PIK3R5: variants seen among roughly 807,000 people sequenced by gnomAD.
The protein encoded by PIK3R5 is phosphoinositide-3-kinase regulatory subunit 5, also known as phosphoinositide 3-kinase regulatory subunit 5.
A neutral mutation model predicts 94.9 loss-of-function variants in PIK3R5; 32 were observed. The observed-to-expected ratio is 0.34, with a 90% CI of 0.25 to 0.45. The LOEUF (loss-of-function observed/expected upper bound fraction) is 0.45, where lower values mean the gene tolerates loss of function less well. PIK3R5 is among the 20% of genes least tolerant of loss of function. PIK3R5 has a pLI of 1.00. For synonymous variants in PIK3R5, 443 were observed against 479.4 expected, an observed-to-expected ratio of 0.92 and a Z score of 0.99; for missense variants, 853 against 1,144.6, an observed-to-expected ratio of 0.75 and a Z score of 3.68.
In PIK3R5 at chr17:8,890,548, C is replaced by T. The variant is rs1324373577; in HGVS notation, c.657+190G>A. Among the ~76,000 whole-genome samples the T allele has an allele frequency of 6.6e-6, 1 of 152,230 alleles. No individual in the cohort carries two copies. Among genetic ancestry groups the T allele is most frequent in the African/African-American group, 2.4e-5 (1 of 41,450 alleles). On this transcript the variant is annotated intron_variant, in intron 7 of 18. Coordinates refer to ENST00000447110, the MANE Select transcript of PIK3R5 (RefSeq NM_001142633.3). The surrounding 1 kb of genome is among the most constrained non-coding windows in gnomAD (Gnocchi z 6.1). ...CCCAGTCCTACTGCCCAGGCTGCCA[C>T]CCAGCTGGTTAGGATCCAGCACACC...
Position 8,904,938 on chromosome 17 carries a change from G to A in PIK3R5, c.274-23C>T. 1 of 1,609,202 alleles carries A rather than the reference G, an allele frequency of 6.2e-7. No individual in the cohort carries two copies. The highest frequency in any genetic ancestry group is 8.5e-7 in the Non-Finnish European group (1 of 1,179,734). On this transcript the variant is annotated intron_variant, in intron 4 of 18. Transcript: ENST00000447110. The surrounding 1 kb of genome is among the most constrained non-coding windows in gnomAD (Gnocchi z 5.1). The stretch of plus-strand genomic sequence containing the variant: ...TGTCTAGGATGGAGGCAGGCAACAA[G>A]CAAAGAGATCTAGGTGAGAAAAGGC...
intron 1 of PIK3R5, among the ~76,000 whole-genome samples, chr17:8,960,903 C>G (rs1269812523): frequency 6.8e-6 from 1 of 147,022 alleles, no homozygotes; most frequent in Admixed American, 6.9e-5. Context: ...TGTGCATGGA[C>G]GCCTTGCTTG....
chr17:8,880,844 C>T, intron 18 of PIK3R5, 58 bp from the exon 19 acceptor site: 1 of 1,613,282 alleles, frequency 6.2e-7, no homozygotes, highest in Non-Finnish European at 8.5e-7. Context: ...CCAGCTCCTT[C>T]CAGGCCTCTG....
rs774920238 is a variant in PIK3R5 at position 8,881,840 on chromosome 17, C to T, written c.2247G>A (p.Lys749=). ...SGRSRWSNLE[K]VCTSVNLNKA... is the part of the protein sequence containing the mutation. ...TGTTGAGGTTCACGGAGGTACAGAC[C>T]TTCTCCAGGTTGCTCCAGCGACTTC... Residue 749 remains lysine, a synonymous_variant, in exon 16 of 19, where the codon AAG becomes AAA. Transcript: ENST00000447110. This position sits in a 1 kb window ranked among gnomAD's most constrained non-coding sequence, Gnocchi z 4.8. The T allele has an allele frequency of 3.7e-6, 6 of 1,614,072 alleles. No homozygotes were observed. The Admixed American group carries it at 1.0e-4, about 27-fold the overall frequency.
rs1195828813 is a variant in PIK3R5 at position 8,935,384 on chromosome 17, C to A, written c.-13-23877G>T. On this transcript the variant is annotated intron_variant, in intron 1 of 18. Transcript: ENST00000447110. The surrounding 1 kb of genome is among the most constrained non-coding windows in gnomAD (Gnocchi z 4.5). ...TATTCCTCTGGCTTCAAGGGGAAAT[C>A]ACGTCTATTGCAACGTCCCAGTGAG... is the stretch of plus-strand genomic sequence containing the variant. Among the ~76,000 whole-genome samples the A allele has an allele frequency of 6.6e-6, 1 of 152,124 alleles. No homozygotes were observed. Among genetic ancestry groups the A allele is most frequent in the Non-Finnish European group, 1.5e-5 (1 of 68,010 alleles).
intron 1 of PIK3R5, among the ~76,000 whole-genome samples, chr17:8,963,431 C>T (rs1192449547): frequency 6.6e-6 from 1 of 152,196 alleles, no homozygotes; most frequent in South Asian, 2.1e-4. Flanking sequence ...CAGCCTGCAC[C>T]CCTGCCTTCT....
At position 8,890,690 on chromosome 17, in the gene PIK3R5, C is replaced by A; in HGVS notation, c.657+48G>T. 4.0e-6 allele frequency: 6 copies of A among 1,514,748 alleles called. No homozygotes were observed. Among genetic ancestry groups the A allele is most frequent in the Non-Finnish European group, 5.4e-6 (6 of 1,113,414 alleles). The allele number at this position is 1,514,748 out of a possible 1,614,324, so 93.8% of individuals were successfully genotyped here. ...GAGATGAAGCAGGGAGAGGGTGCTA[C>A]CTCCTCAGAGAGGTGCTCCACCAGA... is the stretch of plus-strand genomic sequence containing the variant. On this transcript the variant is annotated intron_variant, in intron 7 of 18. Coordinates refer to ENST00000447110, the MANE Select transcript of PIK3R5 (RefSeq NM_001142633.3). The surrounding 1 kb of genome is among the most constrained non-coding windows in gnomAD (Gnocchi z 6.1).
In PIK3R5 at chr17:8,882,121, A is replaced by G; in HGVS notation, c.2206-240T>C. 1 of 531,486 alleles carries G rather than the reference A, an allele frequency of 1.9e-6. No homozygotes were observed. Among genetic ancestry groups the G allele is most frequent in the Non-Finnish European group, 3.4e-6 (1 of 294,092 alleles). The allele number at this position is 531,486 out of a possible 1,614,324, so 32.9% of individuals were successfully genotyped here. On this transcript the variant is annotated intron_variant, in intron 15 of 18. Coordinates refer to ENST00000447110, the MANE Select transcript of PIK3R5 (RefSeq NM_001142633.3). This position sits in a 1 kb window ranked among gnomAD's most constrained non-coding sequence, Gnocchi z 4.1. ...CTCTGTGACCAGGTTGAAAGGTACAAGAGCTGAGAGCACCTGCAGGGGTGG... is the reference window on the plus strand; with the variant it reads ...CTCTGTGACCAGGTTGAAAGGTACAGGAGCTGAGAGCACCTGCAGGGGTGG...
Position 8,908,251 on chromosome 17 carries a change from C to T in PIK3R5, c.204+823G>A, listed in dbSNP as rs61759577. ...AATTTAGAATCTTCCTTCTCTTTAT[C>T]CTTAATAGACAATGTGTCTACCAAG... On this transcript the variant is annotated intron_variant, in intron 3 of 18. Coordinates refer to ENST00000447110, the MANE Select transcript of PIK3R5 (RefSeq NM_001142633.3). Among the ~76,000 whole-genome samples, 764 of 152,250 alleles carry T rather than the reference C, an allele frequency of 5.0e-3. 5 individuals carry two copies. Among genetic ancestry groups the T allele is most frequent in the African/African-American group, 0.017 (719 of 41,534 alleles).
Position 8,881,092 on chromosome 17 carries a change from A to C in PIK3R5, c.2383-75T>G. 9.3e-7 allele frequency: 1 copy of C among 1,073,424 alleles called. No individual in the cohort carries two copies. The highest frequency in any genetic ancestry group is 1.5e-6 in the Non-Finnish European group (1 of 689,306). 66.5% of individuals were successfully genotyped at this position (1,073,424 alleles called of 1,614,324 possible). The stretch of plus-strand genomic sequence containing the variant: ...CCAGCCCCTGGCAGTTCCTTTTCTC[A>C]GAACTGCCCATCCACTTCTAGGGGT... On this transcript the variant is annotated intron_variant, in intron 17 of 18. Transcript: ENST00000447110. The surrounding 1 kb of genome is among the most constrained non-coding windows in gnomAD (Gnocchi z 4.8).
At position 8,884,618 on chromosome 17, in the gene PIK3R5, C is replaced by T; in HGVS notation, c.2205+89G>A. The stretch of plus-strand genomic sequence containing the variant: ...CAGCGTAAAGACTGGGGCCCAGGAA[C>T]ACACGAGTCCAGCTCTGGGTCCAAG... On this transcript the variant is annotated intron_variant, in intron 15 of 18. Coordinates refer to ENST00000447110, the MANE Select transcript of PIK3R5 (RefSeq NM_001142633.3). The surrounding 1 kb of genome is among the most constrained non-coding windows in gnomAD (Gnocchi z 5.8). 9.8e-7 allele frequency: 1 copy of T among 1,017,648 alleles called. No homozygotes were observed. Among genetic ancestry groups the T allele is most frequent in the Non-Finnish European group, 1.5e-6 (1 of 657,252 alleles). The allele number at this position is 1,017,648 out of a possible 1,614,324, so 63.0% of individuals were successfully genotyped here.
At chr17:8,918,482 A>G (rs1354329988) in intron 1 of PIK3R5, among the ~76,000 whole-genome samples, 4 of 152,236 alleles carry the variant, frequency 2.6e-5, no homozygotes, top group African/African-American at 9.6e-5. Flanking sequence ...AAGTCTATAG[A>G]TAATTATAGA....
chr17:8,906,020 G>A (rs2090389150), intron 3 of PIK3R5, among the ~76,000 whole-genome samples: 1 of 151,966 alleles, frequency 6.6e-6, no homozygotes, highest in Non-Finnish European at 1.5e-5. Flanking sequence ...TTAAGTTCTG[G>A]GATACATGTG....
intron 1 of PIK3R5, among the ~76,000 whole-genome samples, chr17:8,946,590 G>T (rs7209733): frequency 0.056 from 8,514 of 152,064 alleles, 308 homozygotes; most frequent in African/African-American, 0.11. Flanking sequence ...AAGTGAATAT[G>T]AGCACAAGAT....
chr17:8,931,570 G>A (rs1056100678), intron 1 of PIK3R5, among the ~76,000 whole-genome samples: 1 of 152,162 alleles, frequency 6.6e-6, no homozygotes, highest in Admixed American at 6.5e-5. Context: ...GGGGCTTTCC[G>A]AGTTGAGGAG....
chr17:8,912,119 C>T (rs1414211583), intron 1 of PIK3R5: 1 of 152,532 alleles, frequency 6.6e-6, no homozygotes, highest in East Asian at 1.9e-4. Context: ...CAAAGACCTT[C>T]CCTGCCCTCC....
rs943243603 is a variant in PIK3R5 at position 8,888,990 on chromosome 17, A to G, written c.896-99T>C. ...AGACAGCAGGACTCAGGGCCAGCCC[A>G]GGACTCCTAGCACTGCCCCCTTGCT... On this transcript the variant is annotated intron_variant, in intron 9 of 18. Transcript: ENST00000447110. The surrounding 1 kb of genome is among the most constrained non-coding windows in gnomAD (Gnocchi z 7.8). 2 of 1,528,692 alleles carry G rather than the reference A, an allele frequency of 1.3e-6. No individual in the cohort carries two copies. The highest frequency in any genetic ancestry group is 1.8e-6 in the Non-Finnish European group (2 of 1,140,246). The allele number at this position is 1,528,692 out of a possible 1,614,324, so 94.7% of individuals were successfully genotyped here. A position where few individuals can be genotyped will look rare whatever the true frequency, so the allele number is the denominator to read the frequency against.
At chr17:8,922,048 T>A (rs921529610) in intron 1 of PIK3R5, among the ~76,000 whole-genome samples, 1 of 151,082 alleles carries the variant, frequency 6.6e-6, no homozygotes, top group African/African-American at 2.4e-5. Flanking sequence ...CTTGAATATA[T>A]AAAGAACTCC....
Position 8,893,703 on chromosome 17 carries a change from C to T in PIK3R5, c.413-48G>A, listed in dbSNP as rs746440577. On this transcript the variant is annotated intron_variant, in intron 5 of 18. Coordinates refer to ENST00000447110, the MANE Select transcript of PIK3R5 (RefSeq NM_001142633.3). The surrounding 1 kb of genome is among the most constrained non-coding windows in gnomAD (Gnocchi z 5.1). ...TTCATGGGCTGATCAGTTCCTTCAG[C>T]ATCGTCCGTGTGCCTCGTGGGGAGC... The T allele has an allele frequency of 2.8e-6, 4 of 1,437,838 alleles. No individual in the cohort carries two copies. Among genetic ancestry groups the T allele is most frequent in the Non-Finnish European group, 3.9e-6 (4 of 1,020,452 alleles). The allele number at this position is 1,437,838 out of a possible 1,614,324, so 89.1% of individuals were successfully genotyped here.
Sources: gnomAD v4.1 joint callset for allele counts (sites outside exome capture counted in the v4.1 genomes callset) on GRCh38, gnomAD v4.1.1 for gene constraint, Gnocchi (gnomAD v3.1) non-coding constraint, MANE v1.5 for transcripts, NCBI Gene and HGNC (gene_info 2026-07-23, HGNC 2026-07-21) for gene names.